Variants in DENND5B observed in about 807,000 individuals in gnomAD.
DENND5B encodes DENN domain-containing protein 5B.
In DENND5B, 34 loss-of-function variants were observed where a neutral mutation model predicts 140.6. The observed-to-expected ratio is 0.24, with a 90% CI of 0.18 to 0.32. DENND5B has a LOEUF of 0.32. Among genes scored for constraint, DENND5B ranks in the 10% least tolerant of loss-of-function variants. The pLI, the probability that DENND5B is intolerant of heterozygous loss-of-function variation, is 1.00. For synonymous variants in DENND5B, 551 were observed against 562.1 expected, an observed-to-expected ratio of 0.98 and a Z score of 0.28; for missense variants, 1,142 against 1,560.2, an observed-to-expected ratio of 0.73 and a Z score of 4.52.
At chr12:31,534,763 G>T (rs1365745930) in intron 1 of DENND5B, 5 of 398,706 alleles carry the variant, frequency 1.3e-5, no homozygotes, top group Non-Finnish European at 2.4e-5. Flanking sequence ...CAAAGAAGGA[G>T]TGATAGATAC....
At chr12:31,508,685 T>C (rs1947298239) in intron 1 of DENND5B, among the ~76,000 whole-genome samples, 1 of 152,226 alleles carries the variant, frequency 6.6e-6, no homozygotes, top group African/African-American at 2.4e-5. Flanking sequence ...AAAGCAGTTA[T>C]CTGAGTCTCT....
intron 1 of DENND5B, among the ~76,000 whole-genome samples, chr12:31,546,350 C>T (rs2139205098): frequency 6.6e-6 from 1 of 152,170 alleles, no homozygotes; most frequent in African/African-American, 2.4e-5. Context: ...CATTATATTT[C>T]TTTTCAACTC....
intron 1 of DENND5B, chr12:31,500,453 G>C (rs1946958506): frequency 2.3e-6 from 1 of 442,960 alleles, no homozygotes; most frequent in Non-Finnish European, 4.5e-6. Context: ...GCCGAGGCAG[G>C]TGAATTGCTT....
At chr12:31,444,122 A>ATT (rs1423646306) in intron 6 of DENND5B, 1 of 152,216 alleles carries the variant, frequency 6.6e-6, no homozygotes, top group Admixed American at 6.5e-5. Flanking sequence ...CTGCCTAGAG[A>ATT]TTACTTAAAA....
At chr12:31,576,788 G>A (rs1302021117) in intron 1 of DENND5B, among the ~76,000 whole-genome samples, 2 of 151,848 alleles carry the variant, frequency 1.3e-5, no homozygotes, top group Non-Finnish European at 2.9e-5. Context: ...CTTCTCAGGA[G>A]GTTGAGGCAG....
intron 1 of DENND5B, among the ~76,000 whole-genome samples, chr12:31,525,534 G>A (rs1428821848): frequency 2.0e-5 from 3 of 152,152 alleles, no homozygotes; most frequent in Non-Finnish European, 4.4e-5. Context: ...AATGGGGAGT[G>A]AACACAGGTA....
At chr12:31,569,296 T>C (rs762364726) in intron 1 of DENND5B, among the ~76,000 whole-genome samples, 1 of 152,122 alleles carries the variant, frequency 6.6e-6, no homozygotes, top group Non-Finnish European at 1.5e-5. Context: ...CTCGAACTCC[T>C]GAGCTCAAGC....
intron 1 of DENND5B, among the ~76,000 whole-genome samples, chr12:31,580,600 T>C (rs2139471583): frequency 6.6e-6 from 1 of 152,264 alleles, no homozygotes; most frequent in South Asian, 2.1e-4. Context: ...GTTCAAGCGA[T>C]TCTCGTGCCT....
intron 1 of DENND5B, among the ~76,000 whole-genome samples, chr12:31,543,726 T>C (rs1948764012): frequency 6.6e-6 from 1 of 152,228 alleles, no homozygotes; most frequent in African/African-American, 2.4e-5. Context: ...GGAATGTTTA[T>C]TCAATAAACA....
chr12:31,463,300 CA>C (rs1591838111), intron 3 of DENND5B, among the ~76,000 whole-genome samples: 2 of 151,886 alleles, frequency 1.3e-5, no homozygotes, highest in East Asian at 3.9e-4. Flanking sequence ...CCAACAACAA[CA>C]ACAAAAACTC....
chr12:31,511,458 T>C (rs1416498809), intron 1 of DENND5B, among the ~76,000 whole-genome samples: 2 of 151,908 alleles, frequency 1.3e-5, no homozygotes, highest in African/African-American at 4.8e-5. Context: ...TAAAATAAAA[T>C]TTTTTCTCAA....
intron 1 of DENND5B, among the ~76,000 whole-genome samples, chr12:31,528,626 G>A (rs1341472256): frequency 6.6e-6 from 1 of 152,206 alleles, no homozygotes; most frequent in Non-Finnish European, 1.5e-5. Context: ...GATACAAAGA[G>A]AGTAATAAAG....
At chr12:31,548,468 C>G (rs768882593) in intron 1 of DENND5B, among the ~76,000 whole-genome samples, 6 of 152,058 alleles carry the variant, frequency 3.9e-5, no homozygotes, top group African/African-American at 9.7e-5. Flanking sequence ...TATCTAAGAC[C>G]AGGTTCTTTT....
intron 2 of DENND5B, among the ~76,000 whole-genome samples, chr12:31,494,533 T>G (rs190079475): frequency 6.6e-6 from 1 of 152,264 alleles, no homozygotes; most frequent in Non-Finnish European, 1.5e-5. Context: ...GACCAGTGGC[T>G]ACTCCCTTTG....
At chr12:31,531,355 A>G (rs1488274823) in intron 1 of DENND5B, among the ~76,000 whole-genome samples, 3 of 152,006 alleles carry the variant, frequency 2.0e-5, no homozygotes, top group Non-Finnish European at 4.4e-5. Flanking sequence ...GCATGCCACT[A>G]CGTCCCGCTA....
chr12:31,467,175 T>C (rs1945306323), intron 3 of DENND5B, among the ~76,000 whole-genome samples: 1 of 151,908 alleles, frequency 6.6e-6, no homozygotes, highest in Non-Finnish European at 1.5e-5. Flanking sequence ...AACATAGAAT[T>C]TAACATCCAA....
intron 2 of DENND5B, 25 bp from the exon 3 acceptor site, chr12:31,480,280 T>C: frequency 6.9e-7 from 1 of 1,450,736 alleles, no homozygotes; most frequent in Non-Finnish European, 9.1e-7. Context: ...AAAAAAAAAA[T>C]CAGAATGCAG....
At chr12:31,413,974 C>T (rs1381690164) in intron 12 of DENND5B, among the ~76,000 whole-genome samples, 1 of 152,202 alleles carries the variant, frequency 6.6e-6, no homozygotes, top group African/African-American at 2.4e-5. Flanking sequence ...TCAGTCACAA[C>T]TTTAATCCAC....
chr12:31,437,177 C>T (rs1021818928), intron 7 of DENND5B, among the ~76,000 whole-genome samples: 3 of 150,394 alleles, frequency 2.0e-5, no homozygotes, highest in African/African-American at 4.9e-5. Flanking sequence ...GAGTCTCACT[C>T]TGTCGTCCAG....
Sources: allele counts gnomAD v4.1 joint callset (sites outside exome capture counted in the v4.1 genomes callset), GRCh38; gene constraint gnomAD v4.1.1; transcripts MANE v1.5; gene names NCBI Gene and HGNC (gene_info 2026-07-23, HGNC 2026-07-21).